Variants in UGT2A3 observed in about 807,000 individuals in gnomAD.
The protein encoded by UGT2A3 is UDP-glucuronosyltransferase 2A3.
In UGT2A3, 55 loss-of-function variants were observed where a neutral mutation model predicts 44.1. The ratio of observed to expected loss-of-function variants is 1.25; its 90% CI spans 1.00 to 1.56. The LOEUF (loss-of-function observed/expected upper bound fraction) is 1.56, where lower values mean the gene tolerates loss of function less well. Among genes scored for constraint, UGT2A3 ranks in the 40% most tolerant of loss-of-function variants. UGT2A3 has a pLI of 0.00. For missense variants in UGT2A3, 733 were observed against 621.6 expected, an observed-to-expected ratio of 1.18 and a Z score of -1.91; for synonymous variants, 243 against 215.1, an observed-to-expected ratio of 1.13 and a Z score of -1.13.
At chr4:68,935,371 G>T (rs1432781681) in intron 2 of UGT2A3, among the ~76,000 whole-genome samples, 1 of 146,432 alleles carries the variant, frequency 6.8e-6, no homozygotes, top group South Asian at 2.2e-4. Flanking sequence ...TTGCTGTTCT[G>T]CAGTATTTGC....
Position 68,932,651 on chromosome 4 carries a change from C to T in UGT2A3, c.973G>A (p.Ala325Thr). The part of the protein sequence containing the change: ...TEEKANIIAS[A>T]LAQIPQKVLW... ...ACCTTCTGTGGGATCTGGGCAAGGGCTGAAGCAATGATATTAGCCTTTTCT... is the reference window on the plus strand; with the variant it reads ...ACCTTCTGTGGGATCTGGGCAAGGGTTGAAGCAATGATATTAGCCTTTTCT... The change falls in exon 3 of 6, where the codon GCC (alanine) becomes ACC (threonine). Residue 325 changes from alanine (A) to threonine (T), a missense_variant. By Grantham distance (58) the Ala-to-Thr change is moderately conservative. Transcript: ENST00000251566. 6.2e-7 allele frequency: 1 copy of T among 1,610,942 alleles called. No individual in the cohort carries two copies. The highest frequency in any genetic ancestry group is 1.3e-5 in the African/African-American group (1 of 74,846).
rs151181125 is a variant in UGT2A3 at position 68,946,891 on chromosome 4, C to T, written c.716-1437G>A. ...TTGTAGGCTATTAGCTGTGCAATAT[C>T]ATCACGTTTAAAAAGGAATGCACAT... is the stretch of plus-strand genomic sequence containing the variant. On this transcript the variant is annotated intron_variant, in intron 1 of 5. Transcript: ENST00000251566. Among the ~76,000 whole-genome samples the T allele has an allele frequency of 5.3e-3, 808 of 151,712 alleles. 10 individuals are homozygous for T. The highest frequency in any genetic ancestry group is 0.019 in the African/African-American group (771 of 41,486).
chr4:68,938,665 C>G (rs1035726687), intron 2 of UGT2A3, among the ~76,000 whole-genome samples: 2 of 152,164 alleles, frequency 1.3e-5, no homozygotes, highest in African/African-American at 4.8e-5. Context: ...CCTTCTCTCA[C>G]CACTCCTATT....
intron 3 of UGT2A3, 79 bp from the exon 4 acceptor site, chr4:68,931,321 T>A (rs777074524): frequency 6.0e-6 from 7 of 1,167,858 alleles, no homozygotes; most frequent in South Asian, 1.4e-5. Context: ...AGTTATAAAT[T>A]ATAAACTCAT....
In UGT2A3 at chr4:68,929,602, CACA is replaced by C. The variant is rs1401027753; in HGVS notation, c.*208_*210del. On this transcript the variant is annotated 3_prime_UTR_variant, in exon 6 of 6. Transcript: ENST00000251566. ...TTTAGATGTATTCATGTCCTTGTGT[CACA>C]AAGTGAGAGAAGAGAGTAAAGACAC... 3.0e-5 allele frequency: 14 copies of C among 465,482 alleles called. No homozygotes were observed. The highest frequency in any genetic ancestry group is 2.7e-4 in the African/African-American group (14 of 51,064). The allele number at this position is 465,482 out of a possible 1,614,324, so 28.8% of individuals were successfully genotyped here.
intron 1 of UGT2A3, among the ~76,000 whole-genome samples, chr4:68,946,739 C>T (rs972261607): frequency 6.6e-6 from 1 of 151,520 alleles, no homozygotes; most frequent in African/African-American, 2.4e-5. Context: ...ATTTGAAATG[C>T]CATACACACA....
intron 2 of UGT2A3, among the ~76,000 whole-genome samples, chr4:68,945,027 T>A (rs568277506): frequency 4.6e-5 from 7 of 151,800 alleles, no homozygotes; most frequent in Non-Finnish European, 1.0e-4. Context: ...GTGATCTTCA[T>A]GGCTCCAATT....
chr4:68,931,360 G>A, intron 3 of UGT2A3, 118 bp from the exon 4 acceptor site: 1 of 739,176 alleles, frequency 1.4e-6, no homozygotes, highest in Non-Finnish European at 2.2e-6. Flanking sequence ...TGAGACAGGG[G>A]TGTGTAGAGC....
chr4:68,942,810 T>C (rs1354921861), intron 2 of UGT2A3, among the ~76,000 whole-genome samples: 1 of 151,478 alleles, frequency 6.6e-6, no homozygotes. Context: ...ACGTTTAAAT[T>C]TGGAAGAATA....
At chr4:68,947,689 G>C (rs889896094) in intron 1 of UGT2A3, among the ~76,000 whole-genome samples, 1 of 151,772 alleles carries the variant, frequency 6.6e-6, no homozygotes, top group Non-Finnish European at 1.5e-5. Context: ...AGACTTGAAA[G>C]TCAAGGCTAT....
intron 2 of UGT2A3, among the ~76,000 whole-genome samples, chr4:68,942,508 T>TATATATATATATAC (rs1718231628): frequency 1.2e-4 from 1 of 8,220 alleles, no homozygotes; most frequent in East Asian, 2.9e-3. Flanking sequence ...ACTGGAGATA[T>TATATATATATATAC]ATATATATAT....
chr4:68,936,122 A>T (rs1035129140), intron 2 of UGT2A3, among the ~76,000 whole-genome samples: 1 of 152,148 alleles, frequency 6.6e-6, no homozygotes, highest in Non-Finnish European at 1.5e-5. Context: ...GAATGGAACC[A>T]AGTTAGAAAA....
At chr4:68,942,319 ATCTC>A (rs3071533) in intron 2 of UGT2A3, among the ~76,000 whole-genome samples, 29 of 145,998 alleles carry the variant, frequency 2.0e-4, no homozygotes, top group African/African-American at 4.3e-4. Context: ...ATTTGAAAAT[ATCTC>A]TCTCTCTCTC....
At position 68,929,687 on chromosome 4, in the gene UGT2A3, C is replaced by G; in HGVS notation, c.*126G>C. On this transcript the variant is annotated 3_prime_UTR_variant, in exon 6 of 6. Transcript: ENST00000251566. ...CTCACAACCTCATGATCGTGGAATT[C>G]TAGGCTATATAGCTAAGATAAAATA... The G allele has an allele frequency of 4.5e-6, 4 of 887,296 alleles. No individual in the cohort carries two copies. Among genetic ancestry groups the G allele is most frequent in the Non-Finnish European group, 6.9e-6 (4 of 582,468 alleles). The allele number at this position is 887,296 out of a possible 1,614,324, so 55.0% of individuals were successfully genotyped here. A position where few individuals can be genotyped will look rare whatever the true frequency, so the allele number is the denominator to read the frequency against.
intron 2 of UGT2A3, among the ~76,000 whole-genome samples, chr4:68,941,626 A>C (rs1718189139): frequency 6.6e-6 from 1 of 151,944 alleles, no homozygotes; most frequent in African/African-American, 2.4e-5. Context: ...ACAAAAGGAA[A>C]AGTAGATAAA....
chr4:68,937,688 A>G (rs1718006342), intron 2 of UGT2A3, among the ~76,000 whole-genome samples: 1 of 152,166 alleles, frequency 6.6e-6, no homozygotes, highest in South Asian at 2.1e-4. Context: ...AAAAGCTGGT[A>G]GAAGACAAGA....
intron 2 of UGT2A3, among the ~76,000 whole-genome samples, chr4:68,939,962 G>T (rs916422515): frequency 6.6e-6 from 1 of 152,094 alleles, no homozygotes; most frequent in East Asian, 1.9e-4. Flanking sequence ...CATCATCACT[G>T]GTCATCAGAG....
chr4:68,943,019 CAT>C (rs1168766335), intron 2 of UGT2A3, among the ~76,000 whole-genome samples: 4 of 151,796 alleles, frequency 2.6e-5, no homozygotes, highest in East Asian at 1.9e-4. Context: ...TTCTCTTAAA[CAT>C]GTGCAATTAT....
At chr4:68,947,357 C>G (rs565867531) in intron 1 of UGT2A3, among the ~76,000 whole-genome samples, 1 of 151,722 alleles carries the variant, frequency 6.6e-6, no homozygotes, top group East Asian at 2.0e-4. Flanking sequence ...ACCTCCTCAC[C>G]GGTTTTACAG....
Sources: gnomAD v4.1 joint callset for allele counts (sites outside exome capture counted in the v4.1 genomes callset) on GRCh38, gnomAD v4.1.1 for gene constraint, MANE v1.5 for transcripts, NCBI Gene and HGNC (gene_info 2026-07-23, HGNC 2026-07-21) for gene names.